Variants in KDM2A observed in about 807,000 individuals in gnomAD.
KDM2A encodes lysine-specific demethylase 2A.
Under a neutral mutation model 137.3 loss-of-function variants are expected in KDM2A, and 3 were observed. The ratio of observed to expected loss-of-function variants is 0.02; its 90% CI spans 0.01 to 0.06. The LOEUF (loss-of-function observed/expected upper bound fraction) is 0.06. KDM2A is among the 10% of genes least tolerant of loss of function. The pLI is 1.00. For missense variants in KDM2A, 738 were observed against 1,510.6 expected (o/e 0.49, Z 8.48); for synonymous variants, 512 against 541.5 (o/e 0.95, Z 0.76).
rs375954845 is a variant in KDM2A at position 67,120,069 on chromosome 11, C to G, written c.-84+20C>G. 7.9e-5 allele frequency: 12 copies of G among 152,392 alleles called. No individual in the cohort carries two copies. The highest frequency in any genetic ancestry group is 1.5e-4 in the Non-Finnish European group (10 of 68,260). 9.4% of individuals were successfully genotyped at this position (152,392 alleles called of 1,614,324 possible). ...TCTCCGGTGAGTTTCCCCCTCCCCC[C>G]CCTCATTTGGAAGTTTGGTTGACTG... On this transcript the variant is annotated intron_variant, in intron 1 of 20. Transcript: ENST00000529006.
intron 5 of KDM2A, among the ~76,000 whole-genome samples, chr11:67,199,493 C>T (rs1857564749): frequency 6.6e-6 from 1 of 152,154 alleles, no homozygotes; most frequent in South Asian, 2.1e-4. Flanking sequence ...GAAAAACAGC[C>T]TTATCACTGA....
intron 5 of KDM2A, among the ~76,000 whole-genome samples, chr11:67,203,045 G>A (rs138364187): frequency 8.1e-4 from 122 of 150,618 alleles, no homozygotes; most frequent in African/African-American, 2.3e-3. Flanking sequence ...TTCAGCGAAA[G>A]AAAAAGAAGT....
At chr11:67,202,133 A>G (rs1857642855) in intron 5 of KDM2A, among the ~76,000 whole-genome samples, 1 of 152,182 alleles carries the variant, frequency 6.6e-6, no homozygotes, top group African/African-American at 2.4e-5. Flanking sequence ...GAGAGCTAGA[A>G]TTAGAAATGG....
intron 6 of KDM2A, among the ~76,000 whole-genome samples, chr11:67,214,575 G>A (rs1858103786): frequency 6.6e-6 from 1 of 152,254 alleles, no homozygotes; most frequent in Non-Finnish European, 1.5e-5. Context: ...CCGACCTCAG[G>A]TGATCCGCCT....
intron 2 of KDM2A, among the ~76,000 whole-genome samples, chr11:67,140,365 C>CA (rs371166964): frequency 3.0e-4 from 44 of 147,482 alleles, no homozygotes; most frequent in South Asian, 1.3e-3. Context: ...GATCTTGTCT[C>CA]AAAAAAAAAA....
chr11:67,211,119 T>C (rs975930058), intron 6 of KDM2A, among the ~76,000 whole-genome samples: 8 of 152,292 alleles, frequency 5.3e-5, no homozygotes, highest in Non-Finnish European at 1.0e-4. Flanking sequence ...GCTGTTTCTA[T>C]TGGTAGAATT....
At chr11:67,192,442 T>G (rs1857379541) in intron 5 of KDM2A, among the ~76,000 whole-genome samples, 1 of 125,240 alleles carries the variant, frequency 8.0e-6, no homozygotes, top group Non-Finnish European at 1.6e-5. Context: ...TCTTTTTTTT[T>G]TTTTTTTTTT....
At chr11:67,178,541 C>T (rs1348820470) in intron 2 of KDM2A, among the ~76,000 whole-genome samples, 1 of 152,164 alleles carries the variant, frequency 6.6e-6, no homozygotes. Context: ...GTCACTTCTC[C>T]CATTCTTCAT....
At position 67,245,761 on chromosome 11, in the gene KDM2A, G is replaced by A; in HGVS notation, c.1834-224G>A. The A allele has an allele frequency of 1.6e-6, 1 of 610,336 alleles. No homozygotes were observed. The highest frequency in any genetic ancestry group is 2.8e-6 in the Non-Finnish European group (1 of 354,342). The allele number at this position is 610,336 out of a possible 1,614,324, so 37.8% of individuals were successfully genotyped here. A position where few individuals can be genotyped will look rare whatever the true frequency, so the allele number is the denominator to read the frequency against. On this transcript the variant is annotated intron_variant, in intron 14 of 20. Coordinates refer to ENST00000529006, the MANE Select transcript of KDM2A (RefSeq NM_012308.3). This position sits in a 1 kb window ranked among gnomAD's most constrained non-coding sequence, Gnocchi z 4.1. ...AAAGGACCGGGGAGGCCAAGTATAG[G>A]CCAACTGAAAATAAACTAGTCTCTG...
intron 6 of KDM2A, among the ~76,000 whole-genome samples, chr11:67,213,896 G>A (rs1858073275): frequency 6.6e-6 from 1 of 151,754 alleles, no homozygotes; most frequent in South Asian, 2.1e-4. Context: ...AGACAGTCTT[G>A]CCCTGTTGCC....
In KDM2A at chr11:67,254,153, G is replaced by A. The variant is rs1359186471; in HGVS notation, c.3092-50G>A. The A allele has an allele frequency of 1.9e-5, 29 of 1,540,060 alleles. No homozygotes were observed. In the South Asian group the frequency reaches 3.3e-4, roughly 18 times the overall value. Reference sequence around the variant, plus strand: ...TGTTGCTGCCTGGAGCCTTGAAGCTGGATTAGAGAATTGAGAGTTTTGATC... The same window carrying A: ...TGTTGCTGCCTGGAGCCTTGAAGCTAGATTAGAGAATTGAGAGTTTTGATC... On this transcript the variant is annotated intron_variant, in intron 19 of 20. Transcript: ENST00000529006. This position sits in a 1 kb window ranked among gnomAD's most constrained non-coding sequence, Gnocchi z 4.7.
At chr11:67,165,042 G>A (rs1251121045) in intron 2 of KDM2A, among the ~76,000 whole-genome samples, 1 of 152,078 alleles carries the variant, frequency 6.6e-6, no homozygotes, top group East Asian at 1.9e-4. Flanking sequence ...AAGGAAAGAG[G>A]TCTTGCCAGG....
At chr11:67,232,483 GTTTA>G (rs554195424) in intron 12 of KDM2A, among the ~76,000 whole-genome samples, 79 of 152,170 alleles carry the variant, frequency 5.2e-4, no homozygotes, top group Admixed American at 2.1e-3. Context: ...CAAGTTTTAT[GTTTA>G]TTTATTTTTT....
At chr11:67,163,733 G>A (rs1856685155) in intron 2 of KDM2A, among the ~76,000 whole-genome samples, 1 of 151,916 alleles carries the variant, frequency 6.6e-6, no homozygotes, top group Non-Finnish European at 1.5e-5. Context: ...GTGCGTACCT[G>A]TAATCCCAGC....
At chr11:67,211,316 C>T (rs1351284087) in intron 6 of KDM2A, among the ~76,000 whole-genome samples, 2 of 151,770 alleles carry the variant, frequency 1.3e-5, no homozygotes, top group African/African-American at 4.8e-5. Context: ...CCACCATAGT[C>T]AAAATATAGA....
chr11:67,213,498 C>G (rs1858057817), intron 6 of KDM2A, among the ~76,000 whole-genome samples: 6 of 152,060 alleles, frequency 3.9e-5, no homozygotes, highest in Admixed American at 3.9e-4. Flanking sequence ...GTAGCTCATG[C>G]TGTAATCCCA....
rs1251634329 is a variant in KDM2A at position 67,257,507 on chromosome 11, G to A, written c.*2452G>A. 2 of 152,478 alleles carry A rather than the reference G, an allele frequency of 1.3e-5. No homozygotes were observed. Among genetic ancestry groups the A allele is most frequent in the African/African-American group, 4.8e-5 (2 of 41,390 alleles). 9.4% of individuals were successfully genotyped at this position (152,478 alleles called of 1,614,324 possible). ...AGACACGGCCTTGCCAGGAGAGCCT[G>A]CCCTCAGACTGCAGGACCAGAACCC... is the stretch of plus-strand genomic sequence containing the variant. On this transcript the variant is annotated 3_prime_UTR_variant, in exon 21 of 21. Coordinates refer to ENST00000529006, the MANE Select transcript of KDM2A (RefSeq NM_012308.3).
chr11:67,120,355 T>G (rs945559763), intron 1 of KDM2A, among the ~76,000 whole-genome samples: 1 of 152,216 alleles, frequency 6.6e-6, no homozygotes, highest in African/African-American at 2.4e-5. Flanking sequence ...GTAGCAGTTT[T>G]GAAAGGATGC....
intron 10 of KDM2A, among the ~76,000 whole-genome samples, chr11:67,225,822 T>C (rs550499902): frequency 1.2e-3 from 188 of 151,926 alleles, no homozygotes; most frequent in Non-Finnish European, 2.4e-3. Flanking sequence ...CCCAGCACTT[T>C]GGGAGGCTGA....
Sources: gnomAD v4.1 joint callset for allele counts (sites outside exome capture counted in the v4.1 genomes callset) on GRCh38, gnomAD v4.1.1 for gene constraint, Gnocchi (gnomAD v3.1) non-coding constraint, MANE v1.5 for transcripts, NCBI Gene and HGNC (gene_info 2026-07-23, HGNC 2026-07-21) for gene names.